The following ESRRG variants were observed in gnomAD, a reference collection of about 807,000 sequenced individuals.
The protein encoded by ESRRG is estrogen-related receptor gamma.
Under a neutral mutation model 44.0 loss-of-function variants are expected in ESRRG, and 13 were observed. The ratio of observed to expected loss-of-function variants is 0.30; its 90% CI spans 0.19 to 0.47. The LOEUF is 0.47. Among genes scored for constraint, ESRRG ranks in the 20% least tolerant of loss-of-function variants. The pLI is 1.00. For synonymous variants in ESRRG, 215 were observed against 214.6 expected (o/e 1.00, Z -0.02); for missense variants, 395 against 580.6 (o/e 0.68, Z 3.29).
rs533502153 is a variant in ESRRG, at chr1:216,678,298, T to C, written c.57-807A>G. Among the ~76,000 whole-genome samples, 8 of 152,354 alleles carry C rather than the reference T, an allele frequency of 5.3e-5. No homozygotes were observed. In the South Asian group the frequency reaches 1.7e-3, roughly 32 times the overall value. On this transcript the variant is annotated intron_variant, in intron 1 of 6. Coordinates refer to ENST00000408911, the MANE Select transcript of ESRRG (RefSeq NM_001438.4). The stretch of plus-strand genomic sequence containing the variant: ...GTTTCTTATGTGTGATTTGCCATTA[T>C]TTAAGAGATGAATCAGTAAAAGCCA...
intron 6 of ESRRG, among the ~76,000 whole-genome samples, chr1:216,509,184 C>T (rs992667950): frequency 1.3e-5 from 2 of 152,122 alleles, no homozygotes; most frequent in African/African-American, 4.8e-5. Flanking sequence ...AATAATGCTG[C>T]TAGAATGTAG....
chr1:216,919,538 A>G (rs2061577532), intron 2 of ESRRG, among the ~76,000 whole-genome samples: 1 of 152,202 alleles, frequency 6.6e-6, no homozygotes, highest in South Asian at 2.1e-4. Context: ...TCTAGTAAAC[A>G]AAGTTGCTTC....
chr1:217,032,192 G>A (rs2082174490), intron 1 of ESRRG, among the ~76,000 whole-genome samples: 1 of 152,196 alleles, frequency 6.6e-6, no homozygotes, highest in Non-Finnish European at 1.5e-5. Flanking sequence ...CAAGCTACCT[G>A]TTGAATTTTT....
intron 2 of ESRRG, among the ~76,000 whole-genome samples, chr1:216,936,286 G>C (rs535282163): frequency 6.6e-6 from 1 of 152,050 alleles, no homozygotes; most frequent in African/African-American, 2.4e-5. Flanking sequence ...TATGGTTGTC[G>C]TACTTGTACT....
Position 216,921,506 on chromosome 1 carries a change from C to G in ESRRG, c.-14+18076G>C, listed in dbSNP as rs188585108. Among the ~76,000 whole-genome samples, 456 of 152,280 alleles carry G rather than the reference C, an allele frequency of 3.0e-3. 1 individual carries two copies. Among genetic ancestry groups the G allele is most frequent in the Admixed American group, 4.7e-3 (72 of 15,290 alleles). On this transcript the variant is annotated intron_variant, in intron 2 of 7. Transcript: ENST00000359162. ...ACTTGACCTCTTATTAACTCTGAAG[C>G]CCCCAACCCTCCTACGGCACTCTGG...
At chr1:217,116,755 T>C (rs2092734362) in intron 1 of ESRRG, among the ~76,000 whole-genome samples, 1 of 152,186 alleles carries the variant, frequency 6.6e-6, no homozygotes, top group Non-Finnish European at 1.5e-5. Context: ...TCCCTCCTCT[T>C]TGAATACCTT....
intron 2 of ESRRG, among the ~76,000 whole-genome samples, chr1:216,669,569 A>G (rs2074711480): frequency 6.6e-6 from 1 of 152,244 alleles, no homozygotes; most frequent in Admixed American, 6.5e-5. Context: ...TGGAAAAGTC[A>G]AACTTACAAC....
At position 217,014,976 on chromosome 1, in the gene ESRRG, A is replaced by T. The variant is rs191794713; in HGVS notation, c.-106+74531T>A. Among the ~76,000 whole-genome samples the T allele has an allele frequency of 2.6e-5, 4 of 152,300 alleles. No individual in the cohort carries two copies. In the East Asian group the frequency reaches 7.7e-4, roughly 29 times the overall value. Reference sequence around the variant, plus strand: ...CCCAAACCAATTGAATTCTGAATACATTCCAAGCATCACTTAGAAAAATGA... The same window carrying T: ...CCCAAACCAATTGAATTCTGAATACTTTCCAAGCATCACTTAGAAAAATGA... On this transcript the variant is annotated intron_variant, in intron 1 of 7. Coordinates refer to the ESRRG transcript ENST00000359162.
At chr1:217,119,847 T>C (rs1448043209) in intron 1 of ESRRG, among the ~76,000 whole-genome samples, 1 of 152,238 alleles carries the variant, frequency 6.6e-6, no homozygotes, top group Non-Finnish European at 1.5e-5. Flanking sequence ...TTCCAGTTTG[T>C]TTTCCTTCCT....
In ESRRG at chr1:216,504,065, T is replaced by TTACTTAAAC. The variant is rs2040804450; in HGVS notation, c.*2865_*2873dup. ...ACTTACTCTTTTGTAATGCTGAGAG[T>TTACTTAAAC]TACTTAAACTGAAAACTAAAAAATT... is the stretch of plus-strand genomic sequence containing the variant. On this transcript the variant is annotated 3_prime_UTR_variant, in exon 7 of 7. Transcript: ENST00000408911. 6.6e-6 allele frequency: 1 copy of TTACTTAAAC among 152,530 alleles called. No homozygotes were observed. The highest frequency in any genetic ancestry group is 2.1e-4 in the South Asian group (1 of 4,828). The allele number at this position is 152,530 out of a possible 1,614,324, so 9.4% of individuals were successfully genotyped here. A position where few individuals can be genotyped will look rare whatever the true frequency, so the allele number is the denominator to read the frequency against.
intron 1 of ESRRG, among the ~76,000 whole-genome samples, chr1:217,136,154 C>T (rs1039865405): frequency 7.2e-5 from 11 of 152,194 alleles, no homozygotes; most frequent in African/African-American, 2.7e-4. Context: ...AAGAGCGGAG[C>T]TCCCAGGGAG....
At chr1:217,130,854 C>A (rs1209761922) in intron 1 of ESRRG, among the ~76,000 whole-genome samples, 1 of 151,686 alleles carries the variant, frequency 6.6e-6, no homozygotes, top group Non-Finnish European at 1.5e-5. Flanking sequence ...TGAAAAAGAA[C>A]ACATACATTT....
chr1:216,768,501 TA>T (rs1158345516), intron 2 of ESRRG, among the ~76,000 whole-genome samples: 63 of 151,242 alleles, frequency 4.2e-4, no homozygotes, highest in African/African-American at 1.5e-3. Flanking sequence ...TATCTATCTA[TA>T]TTTTAGAGGC....
intron 1 of ESRRG, among the ~76,000 whole-genome samples, chr1:216,689,926 T>C (rs1334290451): frequency 2.6e-5 from 4 of 152,110 alleles, no homozygotes; most frequent in Non-Finnish European, 4.4e-5. Context: ...TTTTCAGTTT[T>C]TCACACACAT....
chr1:216,532,555 G>A (rs765339524), intron 5 of ESRRG, among the ~76,000 whole-genome samples: 26 of 152,274 alleles, frequency 1.7e-4, no homozygotes, highest in Admixed American at 3.9e-4. Flanking sequence ...GGCTCTGGCC[G>A]CAATGACTAT....
In ESRRG at chr1:216,911,719, T is replaced by C. The variant is rs561742589; in HGVS notation, c.-14+27863A>G. 2.0e-5 allele frequency among the ~76,000 whole-genome samples: 3 copies of C among 152,180 alleles called. No homozygotes were observed. The South Asian group carries it at 6.2e-4, about 32-fold the overall frequency. On this transcript the variant is annotated intron_variant, in intron 2 of 7. Transcript: ENST00000359162. The stretch of plus-strand genomic sequence containing the variant: ...AGGGGTATATGGAAACTCTCTGTAC[T>C]TTCCTCTCAATTTTGCTGTCAACCT...
At chr1:216,960,580 GTGTT>G (rs111805075) in intron 1 of ESRRG, among the ~76,000 whole-genome samples, 2 of 150,334 alleles carry the variant, frequency 1.3e-5, no homozygotes, top group African/African-American at 2.4e-5. Context: ...ACTCCTCCAT[GTGTT>G]TGTTTGTTTG....
In ESRRG at chr1:216,736,176, ATTTTTTTTTTTTTT is replaced by A. The variant is rs34469625; in HGVS notation, c.-13-58699_-13-58686del. Among the ~76,000 whole-genome samples, 266 of 82,702 alleles carry A rather than the reference ATTTTTTTTTTTTTT, an allele frequency of 3.2e-3. 1 individual carries two copies. Among genetic ancestry groups the A allele is most frequent in the Non-Finnish European group, 4.4e-3 (198 of 45,396 alleles). 54.3% of individuals were successfully genotyped at this position (82,702 alleles called of 152,430 possible). On this transcript the variant is annotated intron_variant, in intron 2 of 7. Transcript: ENST00000359162. ...TGGTGCTTCTAAGGAGTTAAGGACTATTTTTTTTTTTTTTTTTTTTTTTTGAGACAGAGTCTCGC... is the reference window on the plus strand; with the variant it reads ...TGGTGCTTCTAAGGAGTTAAGGACTATTTTTTTTTTGAGACAGAGTCTCGC...
intron 2 of ESRRG, among the ~76,000 whole-genome samples, chr1:216,823,078 G>T (rs2095329855): frequency 6.6e-6 from 1 of 151,466 alleles, no homozygotes; most frequent in Admixed American, 6.6e-5. Context: ...AAACTGAAAG[G>T]TATTTCAGAA....
Sources: allele counts gnomAD v4.1 joint callset (sites outside exome capture counted in the v4.1 genomes callset), GRCh38; gene constraint gnomAD v4.1.1; transcripts MANE v1.5; gene names NCBI Gene and HGNC (gene_info 2026-07-23, HGNC 2026-07-21).